PTPRG: variants seen among roughly 807,000 people sequenced by gnomAD.
PTPRG encodes protein tyrosine phosphatase receptor type G, also known as receptor-type tyrosine-protein phosphatase gamma.
Under a neutral mutation model 165.3 loss-of-function variants are expected in PTPRG, and 102 were observed. That is an observed-to-expected ratio of 0.62 (90% CI 0.53 to 0.73). The LOEUF is 0.73. Among genes scored for constraint, PTPRG ranks in the 30% least tolerant of loss-of-function variants. PTPRG has a pLI of 0.00. For missense variants in PTPRG, 1,866 were observed against 1,861.4 expected, an observed-to-expected ratio of 1.00 and a Z score of -0.05; for synonymous variants, 675 against 669.5, an observed-to-expected ratio of 1.01 and a Z score of -0.13.
At chr3:61,912,882 A>G (rs1167806834) in intron 2 of PTPRG, among the ~76,000 whole-genome samples, 1 of 151,704 alleles carries the variant, frequency 6.6e-6, no homozygotes, top group African/African-American at 2.4e-5. Flanking sequence ...TTTTTTCACC[A>G]TTTTTTAGTA....
At chr3:61,860,079 A>G (rs2037218603) in intron 2 of PTPRG, among the ~76,000 whole-genome samples, 1 of 152,234 alleles carries the variant, frequency 6.6e-6, no homozygotes, top group Non-Finnish European at 1.5e-5. Flanking sequence ...ACACCAATCC[A>G]TAAAATCACG....
At chr3:61,919,360 G>A (rs2039022092) in intron 2 of PTPRG, among the ~76,000 whole-genome samples, 1 of 152,188 alleles carries the variant, frequency 6.6e-6, no homozygotes, top group African/African-American at 2.4e-5. Context: ...ATGATCACAT[G>A]GTGAGTCTGT....
At chr3:61,628,321 T>A (rs1701670204) in intron 1 of PTPRG, among the ~76,000 whole-genome samples, 2 of 152,106 alleles carry the variant, frequency 1.3e-5, no homozygotes, top group South Asian at 4.1e-4. Flanking sequence ...CATTTTTATA[T>A]ATTTATTTTT....
rs201497637 is a variant in PTPRG at position 61,694,027 on chromosome 3, G to A, written c.86-54851G>A. 2.1e-3 allele frequency among the ~76,000 whole-genome samples: 237 copies of A among 115,384 alleles called. 2 individuals carry two copies. The highest frequency in any genetic ancestry group is 6.7e-3 in the African/African-American group (229 of 34,140). 75.7% of individuals were successfully genotyped at this position (115,384 alleles called of 152,430 possible). A position where few individuals can be genotyped will look rare whatever the true frequency, so the allele number is the denominator to read the frequency against. On this transcript the variant is annotated intron_variant, in intron 1 of 29. Coordinates refer to ENST00000474889, the MANE Select transcript of PTPRG (RefSeq NM_002841.4). ...CATCTCCAAAAAAAAAAAAAAAAAA[G>A]AGAGAGAGAGAGAGAGGGAAGCAAG...
At chr3:61,696,121 T>TA (rs1486194000) in intron 1 of PTPRG, among the ~76,000 whole-genome samples, 16 of 152,322 alleles carry the variant, frequency 1.1e-4, no homozygotes, top group African/African-American at 3.8e-4. Context: ...TTCCATGCAC[T>TA]TGTAGTACCC....
intron 1 of PTPRG, among the ~76,000 whole-genome samples, chr3:61,587,965 T>C (rs1559513569): frequency 6.6e-6 from 1 of 151,670 alleles, no homozygotes; most frequent in African/African-American, 2.4e-5. Context: ...GTCCCATTTT[T>C]TTTTTTTAAA....
intron 1 of PTPRG, among the ~76,000 whole-genome samples, chr3:61,674,831 T>C (rs1409721203): frequency 6.6e-6 from 1 of 152,200 alleles, no homozygotes; most frequent in Non-Finnish European, 1.5e-5. Flanking sequence ...GTGAGTGTCA[T>C]GGTTACAGTA....
intron 2 of PTPRG, chr3:61,749,990 C>T (rs2033367089): frequency 6.6e-6 from 1 of 152,058 alleles, no homozygotes; most frequent in Non-Finnish European, 1.5e-5. Flanking sequence ...TTAATTATAC[C>T]TTATCTATTG....
chr3:62,204,796 ATCCTCATC>A (rs1700186542), intron 12 of PTPRG, among the ~76,000 whole-genome samples: 1 of 152,134 alleles, frequency 6.6e-6, no homozygotes, highest in South Asian at 2.1e-4. Context: ...AGGGCATGAG[ATCCTCATC>A]TCCTGGTGGC....
At chr3:61,946,908 C>G (rs1180447469) in intron 2 of PTPRG, among the ~76,000 whole-genome samples, 1 of 152,182 alleles carries the variant, frequency 6.6e-6, no homozygotes, top group East Asian at 1.9e-4. Flanking sequence ...AACATTTGAA[C>G]AAATTTAGAC....
At chr3:62,065,347 G>A (rs1700976710) in intron 4 of PTPRG, among the ~76,000 whole-genome samples, 1 of 152,126 alleles carries the variant, frequency 6.6e-6, no homozygotes, top group Admixed American at 6.5e-5. Flanking sequence ...TACCGCATGA[G>A]ACCAGGGCTG....
At position 61,591,208 on chromosome 3, in the gene PTPRG, C is replaced by T. The variant is rs186022660; in HGVS notation, c.85+28836C>T. ...ACATTTGCCAGTATTTGTTTAGGGT[C>T]AATACAGAGATTTGGAACTGTTGGA... On this transcript the variant is annotated intron_variant, in intron 1 of 29. Transcript: ENST00000474889. Among the ~76,000 whole-genome samples the T allele has an allele frequency of 3.5e-3, 537 of 152,320 alleles. 4 individuals are homozygous for T. Among genetic ancestry groups the T allele is most frequent in the African/African-American group, 0.013 (524 of 41,570 alleles).
At chr3:61,795,586 G>A (rs1431425132) in intron 2 of PTPRG, among the ~76,000 whole-genome samples, 1 of 135,564 alleles carries the variant, frequency 7.4e-6, no homozygotes, top group African/African-American at 2.8e-5. Context: ...GTTGCAGTGA[G>A]CCGAGATCGT....
chr3:61,631,041 G>A lies in PTPRG; in HGVS notation c.85+68669G>A, dbSNP rs1701761213. Reference sequence around the variant, plus strand: ...ACTGCACTCCAGCCTGGGTGACAGAGCGAGACGCTGTCTCAAAAAAAAGAA... The same window carrying A: ...ACTGCACTCCAGCCTGGGTGACAGAACGAGACGCTGTCTCAAAAAAAAGAA... On this transcript the variant is annotated intron_variant, in intron 1 of 29. Coordinates refer to ENST00000474889, the MANE Select transcript of PTPRG (RefSeq NM_002841.4). Among the ~76,000 whole-genome samples the A allele has an allele frequency of 2.0e-5, 3 of 151,736 alleles. No homozygotes were observed. In the South Asian group the frequency reaches 6.2e-4, roughly 32 times the overall value.
At chr3:61,923,595 C>G (rs1371155804) in intron 2 of PTPRG, among the ~76,000 whole-genome samples, 1 of 143,886 alleles carries the variant, frequency 6.9e-6, no homozygotes, top group East Asian at 2.2e-4. Flanking sequence ...TGTGATGTTC[C>G]CCTTCCTGTC....
At chr3:62,132,165 A>AAT (rs1703540065) in intron 5 of PTPRG, among the ~76,000 whole-genome samples, 1 of 152,144 alleles carries the variant, frequency 6.6e-6, no homozygotes, top group Admixed American at 6.5e-5. Flanking sequence ...TACGAAGGAG[A>AAT]ATAGGCTGGC....
intron 2 of PTPRG, among the ~76,000 whole-genome samples, chr3:61,774,609 G>A (rs1031550157): frequency 6.6e-6 from 1 of 152,166 alleles, no homozygotes; most frequent in Non-Finnish European, 1.5e-5. Context: ...TAAAAGGCTG[G>A]ATGTGTCTTG....
intron 3 of PTPRG, among the ~76,000 whole-genome samples, chr3:62,002,850 C>T (rs547112876): frequency 6.6e-6 from 1 of 152,284 alleles, no homozygotes; most frequent in South Asian, 2.1e-4. Flanking sequence ...TGGAAGCACC[C>T]ACAAATTTTT....
intron 1 of PTPRG, among the ~76,000 whole-genome samples, chr3:61,595,877 C>T (rs1307953072): frequency 6.6e-6 from 1 of 152,100 alleles, no homozygotes; most frequent in Non-Finnish European, 1.5e-5. Flanking sequence ...AAAGAATAAG[C>T]AGCTATAGCC....
Sources: allele counts gnomAD v4.1 joint callset (sites outside exome capture counted in the v4.1 genomes callset), GRCh38; gene constraint gnomAD v4.1.1; transcripts MANE v1.5; gene names NCBI Gene and HGNC (gene_info 2026-07-23, HGNC 2026-07-21).